The following ASAP1 variants were observed in gnomAD, a reference collection of about 807,000 sequenced individuals.
ASAP1 encodes ArfGAP with SH3 domain, ankyrin repeat and PH domain 1, also known as arf-GAP with SH3 domain, ANK repeat and PH domain-containing protein 1.
In ASAP1, 43 loss-of-function variants were observed where a neutral mutation model predicts 145.2. The observed-to-expected ratio is 0.30, with a 90% confidence interval of 0.23 to 0.38. ASAP1 has a LOEUF of 0.38. Ranked by LOEUF, ASAP1 falls within the 10% of genes least tolerant of loss-of-function variation. The pLI, the probability that ASAP1 is intolerant of heterozygous loss-of-function variation, is 1.00. For synonymous variants in ASAP1, 546 were observed against 515.5 expected, an observed-to-expected ratio of 1.06 and a Z score of -0.80; for missense variants, 1,018 against 1,355.3, an observed-to-expected ratio of 0.75 and a Z score of 3.91.
At chr8:130,144,960 T>C (rs1003180958) in intron 13 of ASAP1, among the ~76,000 whole-genome samples, 2 of 152,210 alleles carry the variant, frequency 1.3e-5, no homozygotes, top group Non-Finnish European at 2.9e-5. Flanking sequence ...TACCTTACTT[T>C]TGAGAGGATG....
At chr8:130,317,965 T>C (rs187393789) in intron 3 of ASAP1, among the ~76,000 whole-genome samples, 54 of 152,260 alleles carry the variant, frequency 3.5e-4, no homozygotes, top group Non-Finnish European at 6.5e-4. Context: ...TTTACCAAAA[T>C]AGCTAAAACA....
chr8:130,156,238 T>C (rs560418528), intron 12 of ASAP1, among the ~76,000 whole-genome samples: 20 of 152,348 alleles, frequency 1.3e-4, no homozygotes, highest in Non-Finnish European at 2.2e-4. Flanking sequence ...TCAGTGGTCA[T>C]TGTTTGCAAA....
intron 5 of ASAP1, among the ~76,000 whole-genome samples, chr8:130,204,982 A>C (rs1816111005): frequency 6.6e-6 from 1 of 152,166 alleles, no homozygotes; most frequent in Non-Finnish European, 1.5e-5. Context: ...AATAATGAAA[A>C]CTTCACCTGC....
intron 12 of ASAP1, among the ~76,000 whole-genome samples, chr8:130,158,169 C>T (rs900562108): frequency 5.9e-5 from 9 of 151,684 alleles, no homozygotes; most frequent in Non-Finnish European, 1.0e-4. Flanking sequence ...CCAAGGAGTA[C>T]GTATCCACAA....
At chr8:130,411,185 A>G (rs954749949) in intron 1 of ASAP1, among the ~76,000 whole-genome samples, 3 of 152,174 alleles carry the variant, frequency 2.0e-5, no homozygotes, top group African/African-American at 7.2e-5. Flanking sequence ...TGAAAAATGG[A>G]GATTTCTGCA....
intron 5 of ASAP1, among the ~76,000 whole-genome samples, chr8:130,190,596 C>T (rs1815071508): frequency 6.6e-6 from 1 of 152,150 alleles, no homozygotes; most frequent in African/African-American, 2.4e-5. Context: ...CTGCTCACTG[C>T]AATCTCCACC....
intron 3 of ASAP1, among the ~76,000 whole-genome samples, chr8:130,260,198 A>C (rs1446044700): frequency 6.6e-6 from 1 of 152,188 alleles, no homozygotes; most frequent in African/African-American, 2.4e-5. Flanking sequence ...ATAATGAACT[A>C]ATAGATCTGA....
chr8:130,275,928 T>A (rs1176107119), intron 3 of ASAP1, among the ~76,000 whole-genome samples: 1 of 150,034 alleles, frequency 6.7e-6, no homozygotes, highest in Non-Finnish European at 1.5e-5. Context: ...ACCAGTCACA[T>A]TTTTTTGCAG....
intron 3 of ASAP1, among the ~76,000 whole-genome samples, chr8:130,315,156 T>C (rs577032058): frequency 6.6e-6 from 1 of 152,170 alleles, no homozygotes; most frequent in East Asian, 1.9e-4. Context: ...TACATATCAA[T>C]TGGGCAGGGA....
chr8:130,218,764 C>G (rs556738813), intron 4 of ASAP1, among the ~76,000 whole-genome samples: 1 of 152,110 alleles, frequency 6.6e-6, no homozygotes, highest in South Asian at 2.1e-4. Flanking sequence ...GTGAGTGAGG[C>G]AGAAGACTAG....
At chr8:130,313,004 A>C (rs71522570) in intron 3 of ASAP1, among the ~76,000 whole-genome samples, 4,339 of 152,346 alleles carry the variant, frequency 0.028, 90 homozygotes, top group Middle Eastern at 0.071. Flanking sequence ...AAATGAAAGC[A>C]ATCATAGCAT....
intron 5 of ASAP1, among the ~76,000 whole-genome samples, chr8:130,205,569 TATATATA>T (rs1338261160): frequency 5.5e-5 from 8 of 146,292 alleles, no homozygotes; most frequent in Non-Finnish European, 1.0e-4. Context: ...CAAATTTGCA[TATATATA>T]TATAAAATAC....
chr8:130,195,031 C>G (rs1301021926), intron 5 of ASAP1: 1 of 152,142 alleles, frequency 6.6e-6, no homozygotes, highest in Non-Finnish European at 1.5e-5. Context: ...AAAAGCTTTT[C>G]AAATCCATTA....
At chr8:130,335,607 A>G (rs566394247) in intron 3 of ASAP1, among the ~76,000 whole-genome samples, 1 of 152,336 alleles carries the variant, frequency 6.6e-6, no homozygotes, top group African/African-American at 2.4e-5. Flanking sequence ...ACCCTAGTGG[A>G]AAAAGAGATG....
At chr8:130,342,215 T>G (rs986345570) in intron 3 of ASAP1, among the ~76,000 whole-genome samples, 1 of 152,050 alleles carries the variant, frequency 6.6e-6, no homozygotes, top group Non-Finnish European at 1.5e-5. Context: ...TTGGCAAGGG[T>G]GGCACTCATC....
chr8:130,118,072 A>T, intron 20 of ASAP1, 89 bp downstream of exon 20: 1 of 1,122,572 alleles, frequency 8.9e-7, no homozygotes. Flanking sequence ...AAAGCTTGCC[A>T]ATTCCCGATC....
chr8:130,153,933 C>T (rs571979547), intron 12 of ASAP1, among the ~76,000 whole-genome samples: 2 of 152,060 alleles, frequency 1.3e-5, no homozygotes, highest in African/African-American at 4.8e-5. Context: ...GTGGCTCATG[C>T]CCGTAATCCC....
At chr8:130,263,351 T>C (rs56297697) in intron 3 of ASAP1, among the ~76,000 whole-genome samples, 4,006 of 152,130 alleles carry the variant, frequency 0.026, 62 homozygotes, top group Middle Eastern at 0.044. Context: ...GAGAAGAGAA[T>C]TTGACAGAGA....
intron 27 of ASAP1, among the ~76,000 whole-genome samples, chr8:130,069,017 G>C (rs1027564081): frequency 1.3e-5 from 2 of 152,138 alleles, no homozygotes; most frequent in African/African-American, 4.8e-5. Context: ...TAATTAACAA[G>C]AGAACAGGGA....
Sources: gnomAD v4.1 joint callset for allele counts (sites outside exome capture counted in the v4.1 genomes callset) on GRCh38, gnomAD v4.1.1 for gene constraint, MANE v1.5 for transcripts, NCBI Gene and HGNC (gene_info 2026-07-23, HGNC 2026-07-21) for gene names.